CC2D1A: variants seen among roughly 807,000 people sequenced by gnomAD.
CC2D1A encodes coiled-coil and C2 domain-containing protein 1A.
CC2D1A carries 68 observed loss-of-function variants against 123.8 expected under a neutral mutation model. The ratio of observed to expected loss-of-function variants is 0.55; its 90% CI spans 0.45 to 0.67. The LOEUF is 0.67. Ranked by LOEUF, CC2D1A falls within the 30% of genes least tolerant of loss-of-function variation. CC2D1A has a pLI of 0.00. For missense variants in CC2D1A, 1,185 were observed against 1,290.3 expected, an observed-to-expected ratio of 0.92 and a Z score of 1.25; for synonymous variants, 477 against 528.0, an observed-to-expected ratio of 0.90 and a Z score of 1.32.
chr19:13,928,079 G>A, intron 23 of CC2D1A, 45 bp from the exon 24 acceptor site: 1 of 1,606,170 alleles, frequency 6.2e-7, no homozygotes, highest in Non-Finnish European at 8.5e-7. Context: ...AGGGAAGCTT[G>A]GTTCAGGGGC....
At chr19:13,909,188 A>G (rs1197694988) in intron 1 of CC2D1A, among the ~76,000 whole-genome samples, 1 of 151,804 alleles carries the variant, frequency 6.6e-6, no homozygotes, top group Non-Finnish European at 1.5e-5. Context: ...CTGGCTAACA[A>G]GGTGAAACCC....
In CC2D1A at chr19:13,906,669, G is replaced by A. The variant is rs1400445256; in HGVS notation, c.60+168G>A. ...AACACCACCCAAGTGTGGCCTACTG[G>A]CCTTGGCTCCCCAGCTCCTGGGGCC... On this transcript the variant is annotated intron_variant, in intron 1 of 28. Transcript: ENST00000318003. The surrounding 1 kb of genome is among the most constrained non-coding windows in gnomAD (Gnocchi z 4.1). 6.6e-6 allele frequency among the ~76,000 whole-genome samples: 1 copy of A among 152,198 alleles called. No individual in the cohort carries two copies. The highest frequency in any genetic ancestry group is 1.9e-4 in the East Asian group (1 of 5,184).
rs1305599046 is a variant in CC2D1A at position 13,927,181 on chromosome 19, G to C, written c.2232G>C (p.Leu744=). Residue 744 remains leucine (L), a synonymous_variant, in exon 22 of 29, where the codon CTG becomes CTC. Coordinates refer to ENST00000318003, the MANE Select transcript of CC2D1A (RefSeq NM_017721.5). ...IKFEVVHKGG[L]FKTDRVLGTA... Reference sequence around the variant, plus strand: ...TATACACACATGCACACAGGGGGCTGTTCAAGACTGACCGGGTGCTGGGGA... The same window carrying C: ...TATACACACATGCACACAGGGGGCTCTTCAAGACTGACCGGGTGCTGGGGA... 2 of 1,613,932 alleles carry C rather than the reference G, an allele frequency of 1.2e-6. No homozygotes were observed. The highest frequency in any genetic ancestry group is 1.7e-6 in the Non-Finnish European group (2 of 1,179,996).
At chr19:13,921,851 G>A (rs1487161820) in intron 14 of CC2D1A, among the ~76,000 whole-genome samples, 1 of 152,144 alleles carries the variant, frequency 6.6e-6, no homozygotes, top group Admixed American at 6.6e-5. Flanking sequence ...ACTAGCCTGG[G>A]AAACACAGTG....
Position 13,906,229 on chromosome 19 carries a change from C to T in CC2D1A, c.-213C>T. Reference sequence around the variant, plus strand: ...GTTTCGGCTCGGCAGACCCGGCGAGCCCAGTGGCCGCGCTCCGGTGCGGCG... The same window carrying T: ...GTTTCGGCTCGGCAGACCCGGCGAGTCCAGTGGCCGCGCTCCGGTGCGGCG... On this transcript the variant is annotated 5_prime_UTR_variant, in exon 1 of 29. Transcript: ENST00000318003. This position sits in a 1 kb window ranked among gnomAD's most constrained non-coding sequence, Gnocchi z 4.1. 1 of 445,198 alleles carries T rather than the reference C, an allele frequency of 2.2e-6. No individual in the cohort carries two copies. Among genetic ancestry groups the T allele is most frequent in the Non-Finnish European group, 4.0e-6 (1 of 251,750 alleles). The allele number at this position is 445,198 out of a possible 1,614,324, so 27.6% of individuals were successfully genotyped here.
In CC2D1A at chr19:13,913,195, C is replaced by G; in HGVS notation, c.406C>G (p.Leu136Val). ...QPKPEAPHPGLETTLQERLAL... is the reference protein window; with the variant it reads ...QPKPEAPHPGVETTLQERLAL... Reference sequence around the variant, plus strand: ...GAAGCCTGAGGCCCCTCATCCGGGGCTGGAGACCACCTTGCAGGAGAGGCT... The same window carrying G: ...GAAGCCTGAGGCCCCTCATCCGGGGGTGGAGACCACCTTGCAGGAGAGGCT... Residue 136 changes from leucine (L) to valine (V), a missense_variant, in exon 5 of 29, where the codon CTG (leucine) becomes GTG (valine). Transcript: ENST00000318003. 9 of 1,612,954 alleles carry G rather than the reference C, an allele frequency of 5.6e-6. No individual in the cohort carries two copies. The highest frequency in any genetic ancestry group is 7.6e-6 in the Non-Finnish European group (9 of 1,179,618).
chr19:13,912,463 G>A (rs763719827), intron 3 of CC2D1A, 25 bp downstream of exon 3: 2 of 1,613,982 alleles, frequency 1.2e-6, no homozygotes, highest in Non-Finnish European at 1.7e-6. Flanking sequence ...CGGGGTGGGG[G>A]CTCTGATCCG....
chr19:13,925,931 AAAAT>A (rs1460817963), intron 17 of CC2D1A, among the ~76,000 whole-genome samples: 11 of 98,130 alleles, frequency 1.1e-4, no homozygotes, highest in South Asian at 3.0e-4. Flanking sequence ...AAAAAAAAAA[AAAAT>A]ATATATATAT....
At chr19:13,926,757 A>G in intron 19 of CC2D1A, 32 bp downstream of exon 19, 1 of 1,614,004 alleles carries the variant, frequency 6.2e-7, no homozygotes, top group South Asian at 1.1e-5. Flanking sequence ...GGAGGGCTGC[A>G]GCCTCAGTGG....
At position 13,930,227 on chromosome 19, in the gene CC2D1A, G is replaced by A; in HGVS notation, c.2788-15G>A. ...GGCCTGCAGGGACTACCTGCTGAAT[G>A]CCCATCCCCCACAGGATGCTGCAAA... On this transcript the variant is annotated splice_polypyrimidine_tract_variant and intron_variant, in intron 27 of 28. Coordinates refer to ENST00000318003, the MANE Select transcript of CC2D1A (RefSeq NM_017721.5). The surrounding 1 kb of genome is among the most constrained non-coding windows in gnomAD (Gnocchi z 6.8). 1 of 1,613,924 alleles carries A rather than the reference G, an allele frequency of 6.2e-7. No individual in the cohort carries two copies. Among genetic ancestry groups the A allele is most frequent in the Non-Finnish European group, 8.5e-7 (1 of 1,179,890 alleles).
intron 24 of CC2D1A, 27 bp downstream of exon 24, chr19:13,928,215 G>C: frequency 6.2e-7 from 1 of 1,601,954 alleles, no homozygotes; most frequent in Non-Finnish European, 8.5e-7. Flanking sequence ...GGGCATGCTG[G>C]AGAAAACACC....
At chr19:13,927,126 G>T in intron 21 of CC2D1A, 49 bp downstream of exon 21, 2 of 1,607,932 alleles carry the variant, frequency 1.2e-6, no homozygotes, top group Non-Finnish European at 1.7e-6. Flanking sequence ...GGGGAGGGGA[G>T]CTCCTCTGAA....
intron 6 of CC2D1A, among the ~76,000 whole-genome samples, chr19:13,914,182 T>G (rs1971119151): frequency 2.6e-5 from 4 of 151,598 alleles, no homozygotes; most frequent in Admixed American, 2.6e-4. Context: ...CCGGCTTTTT[T>G]TAATTCTTTG....
intron 1 of CC2D1A, among the ~76,000 whole-genome samples, chr19:13,909,385 C>CA (rs1014105744): frequency 3.3e-5 from 5 of 150,800 alleles, no homozygotes; most frequent in African/African-American, 1.2e-4. Flanking sequence ...CAAAAAAAAA[C>CA]AAAAAACAAA....
intron 20 of CC2D1A, 29 bp downstream of exon 20, chr19:13,926,901 C>A: frequency 6.2e-7 from 1 of 1,613,414 alleles, no homozygotes; most frequent in East Asian, 2.2e-5. Context: ...CACCCTACCC[C>A]TACTCCCTTG....
chr19:13,910,384 G>A (rs1390795928), intron 2 of CC2D1A, among the ~76,000 whole-genome samples: 1 of 148,514 alleles, frequency 6.7e-6, no homozygotes, highest in African/African-American at 2.5e-5. Flanking sequence ...CTACAGCCTG[G>A]GCGACAGAGC....
At position 13,913,525 on chromosome 19, in the gene CC2D1A, C is replaced by G; in HGVS notation, c.635C>G (p.Thr212Ser). 6.2e-7 allele frequency: 1 copy of G among 1,614,142 alleles called. No homozygotes were observed. The highest frequency in any genetic ancestry group is 2.2e-5 in the East Asian group (1 of 44,880). ...ACGCCTACCTACAGCCCTGCACCCA[C>G]CCAGCCGGCCCCTAGAATCGCGTCA... ...ASTPTYSPAP[T>S]QPAPRIASAP... Residue 212 changes from threonine (T) to serine (S), a missense_variant, in exon 6 of 29, where the codon ACC (threonine) becomes AGC (serine). Thr to Ser is a moderately conservative substitution (Grantham distance 58). Transcript: ENST00000318003.
chr19:13,913,235 C>T lies in CC2D1A; in HGVS notation c.446C>T (p.Thr149Ile), dbSNP rs771608725. 2 of 1,613,444 alleles carry T rather than the reference C, an allele frequency of 1.2e-6. No individual in the cohort carries two copies. Among genetic ancestry groups the T allele is most frequent in the African/African-American group, 2.7e-5 (2 of 74,800 alleles). The change falls in exon 5 of 29, where the codon ACA (threonine) becomes ATA (isoleucine). Residue 149 changes from threonine (T) to isoleucine (I), a missense_variant. Coordinates refer to ENST00000318003, the MANE Select transcript of CC2D1A (RefSeq NM_017721.5). Reference protein sequence around the residue: ...TLQERLALYQTAIESARQAGD... With the variant: ...TLQERLALYQIAIESARQAGD... ...CAGGAGAGGCTGGCGCTCTATCAGA[C>T]AGCAATTGAAAGCGCCAGACAAGCT...
chr19:13,929,941 G>A (rs1203735062), intron 26 of CC2D1A, 137 bp from the exon 27 acceptor site: 35 of 634,606 alleles, frequency 5.5e-5, no homozygotes, highest in Non-Finnish European at 8.8e-5. Context: ...AGGGGCTCGG[G>A]GATGGGCACC....
Sources: allele counts gnomAD v4.1 joint callset (sites outside exome capture counted in the v4.1 genomes callset), GRCh38; gene constraint gnomAD v4.1.1; non-coding constraint Gnocchi (gnomAD v3.1); transcripts MANE v1.5; gene names NCBI Gene and HGNC (gene_info 2026-07-23, HGNC 2026-07-21).